The following CGNL1 variants were observed in gnomAD, a reference collection of about 807,000 sequenced individuals.
CGNL1 encodes the protein cingulin like 1.
CGNL1 carries 132 observed loss-of-function variants against 141.2 expected under a neutral mutation model. The observed-to-expected ratio is 0.93, with a 90% CI of 0.81 to 1.08. The LOEUF (loss-of-function observed/expected upper bound fraction) is 1.08. Ranked by LOEUF, CGNL1 falls within the 50% of genes least tolerant of loss-of-function variation. CGNL1 has a pLI of 0.00. For synonymous variants in CGNL1, 690 were observed against 622.1 expected (o/e 1.11, Z -1.63); for missense variants, 1,870 against 1,588.6 (o/e 1.18, Z -3.01).
intron 10 of CGNL1, among the ~76,000 whole-genome samples, chr15:57,522,576 G>T (rs376329093): frequency 5.9e-5 from 9 of 152,324 alleles, no homozygotes; most frequent in Admixed American, 2.0e-4. Flanking sequence ...GAGTCAGGTT[G>T]CTCTGTTCCG....
intron 7 of CGNL1, among the ~76,000 whole-genome samples, chr15:57,458,920 C>A (rs2152330327): frequency 6.6e-6 from 1 of 152,306 alleles, no homozygotes; most frequent in South Asian, 2.1e-4. Flanking sequence ...TCTTGATGGG[C>A]AAAATCTTAG....
intron 1 of CGNL1, among the ~76,000 whole-genome samples, chr15:57,420,872 T>C (rs1467694062): frequency 6.6e-6 from 1 of 152,244 alleles, no homozygotes; most frequent in African/African-American, 2.4e-5. Flanking sequence ...GTTTGGTGGC[T>C]CCATGCTGCT....
At chr15:57,386,851 C>T (rs2062489798) in intron 1 of CGNL1, among the ~76,000 whole-genome samples, 1 of 152,142 alleles carries the variant, frequency 6.6e-6, no homozygotes, top group African/African-American at 2.4e-5. Flanking sequence ...TGTATTTTTA[C>T]TCAGATGAAG....
chr15:57,439,754 C>T (rs879320061), intron 2 of CGNL1, among the ~76,000 whole-genome samples, 153 bp downstream of exon 2: 1 of 152,128 alleles, frequency 6.6e-6, no homozygotes, highest in Non-Finnish European at 1.5e-5. Context: ...CAGTTGTGTC[C>T]TACTGACGAT....
intron 10 of CGNL1, among the ~76,000 whole-genome samples, chr15:57,522,490 C>T (rs1242208758): frequency 6.6e-6 from 1 of 152,204 alleles, no homozygotes; most frequent in Non-Finnish European, 1.5e-5. Context: ...ACTGGGTAGG[C>T]CCTGAGCTGT....
At chr15:57,503,317 C>T (rs2064053178) in intron 8 of CGNL1, among the ~76,000 whole-genome samples, 1 of 152,172 alleles carries the variant, frequency 6.6e-6, no homozygotes, top group Non-Finnish European at 1.5e-5. Context: ...CACGAGTCAC[C>T]TGGGTTGATG....
intron 1 of CGNL1, among the ~76,000 whole-genome samples, chr15:57,404,065 T>C (rs776620083): frequency 3.3e-5 from 5 of 152,208 alleles, no homozygotes; most frequent in Non-Finnish European, 7.3e-5. Context: ...ATTCAAGGTG[T>C]TGATTTTGAC....
At chr15:57,502,853 T>G (rs1373607924) in intron 8 of CGNL1, among the ~76,000 whole-genome samples, 2 of 152,192 alleles carry the variant, frequency 1.3e-5, no homozygotes, top group African/African-American at 4.8e-5. Context: ...GTCATGGAAA[T>G]GAGGCTCGGA....
In CGNL1 at chr15:57,545,768, G is replaced by A; in HGVS notation, c.3609+68G>A. The A allele has an allele frequency of 1.4e-5, 18 of 1,330,824 alleles. No individual in the cohort carries two copies. The South Asian group carries it at 1.9e-4, about 14-fold the overall frequency. The allele number at this position is 1,330,824 out of a possible 1,614,324, so 82.4% of individuals were successfully genotyped here. ...TGTCTCAGGCTGAGGGAGCAAGGGAGGCAAGGCCTCCCTGAGCAGGAGTGG... is the reference window on the plus strand; with the variant it reads ...TGTCTCAGGCTGAGGGAGCAAGGGAAGCAAGGCCTCCCTGAGCAGGAGTGG... On this transcript the variant is annotated intron_variant, in intron 17 of 18. Transcript: ENST00000281282.
chr15:57,519,896 C>G (rs186022281), intron 10 of CGNL1, among the ~76,000 whole-genome samples: 35 of 152,342 alleles, frequency 2.3e-4, no homozygotes, highest in Admixed American at 2.0e-3. Context: ...GAACTTTTCA[C>G]ACATACGGAA....
intron 12 of CGNL1, among the ~76,000 whole-genome samples, chr15:57,527,898 C>T (rs1783737934): frequency 6.6e-6 from 1 of 152,178 alleles, no homozygotes; most frequent in Non-Finnish European, 1.5e-5. Flanking sequence ...CAATAAATTA[C>T]CCCCTGGGAA....
At chr15:57,532,820 G>A (rs1260252985) in intron 14 of CGNL1, among the ~76,000 whole-genome samples, 1 of 152,162 alleles carries the variant, frequency 6.6e-6, no homozygotes, top group African/African-American at 2.4e-5. Context: ...GCCCTAAAAG[G>A]CACTTTTCCC....
At chr15:57,440,292 G>A (rs1315784225) in intron 2 of CGNL1, 85 bp from the exon 3 acceptor site, 3 of 935,828 alleles carry the variant, frequency 3.2e-6, no homozygotes, top group Admixed American at 4.3e-5. Context: ...GCTCTAAGAA[G>A]GATGCTCACT....
chr15:57,451,741 T>C, intron 5 of CGNL1, 140 bp downstream of exon 5: 1 of 636,876 alleles, frequency 1.6e-6, no homozygotes, highest in Non-Finnish European at 2.7e-6. Flanking sequence ...CTGAATAAAT[T>C]CCTGTGTATT....
intron 1 of CGNL1, among the ~76,000 whole-genome samples, chr15:57,377,895 C>T (rs1482959545): frequency 6.6e-6 from 1 of 152,216 alleles, no homozygotes; most frequent in Non-Finnish European, 1.5e-5. Flanking sequence ...TCCGGAGACT[C>T]CCCCACGTAG....
At chr15:57,441,246 G>A (rs2063183442) in intron 3 of CGNL1, among the ~76,000 whole-genome samples, 1 of 131,764 alleles carries the variant, frequency 7.6e-6, no homozygotes, top group African/African-American at 3.0e-5. Context: ...TCTTTTGAAA[G>A]GGGGAAAAAA....
At chr15:57,391,006 C>T (rs2062536864) in intron 1 of CGNL1, among the ~76,000 whole-genome samples, 2 of 152,152 alleles carry the variant, frequency 1.3e-5, no homozygotes, top group African/African-American at 4.8e-5. Flanking sequence ...CCTGTGTGTA[C>T]CATGTCCCAA....
chr15:57,545,563 G>T (rs1286572036), intron 16 of CGNL1, 29 bp from the exon 17 acceptor site: 3 of 1,595,804 alleles, frequency 1.9e-6, no homozygotes, highest in South Asian at 1.1e-5. Flanking sequence ...GGAGTGAGAG[G>T]GTTCTTGGTT....
At chr15:57,382,093 G>A (rs535769443) in intron 1 of CGNL1, among the ~76,000 whole-genome samples, 2 of 152,278 alleles carry the variant, frequency 1.3e-5, no homozygotes, top group African/African-American at 4.8e-5. Flanking sequence ...AGAATAAAAC[G>A]AAGCTGTGCA....
Sources: gnomAD v4.1 joint callset for allele counts (sites outside exome capture counted in the v4.1 genomes callset) on GRCh38, gnomAD v4.1.1 for gene constraint, MANE v1.5 for transcripts, NCBI Gene and HGNC (gene_info 2026-07-23, HGNC 2026-07-21) for gene names.